Variants in CUL5 observed in about 807,000 individuals in gnomAD.
CUL5 encodes cullin 5, also known as cullin-5.
CUL5 carries 26 observed loss-of-function variants against 108.8 expected under a neutral mutation model. That is an observed-to-expected ratio of 0.24 (90% CI 0.18 to 0.33). The LOEUF (loss-of-function observed/expected upper bound fraction) is 0.33. Among genes scored for constraint, CUL5 ranks in the 10% least tolerant of loss-of-function variants. The pLI, the probability that CUL5 is intolerant of heterozygous loss-of-function variation, is 1.00. For missense variants in CUL5, 524 were observed against 909.2 expected, an observed-to-expected ratio of 0.58 and a Z score of 5.45; for synonymous variants, 334 against 298.0, an observed-to-expected ratio of 1.12 and a Z score of -1.25.
intron 2 of CUL5, among the ~76,000 whole-genome samples, chr11:108,034,965 C>T (rs1173415677): frequency 1.3e-5 from 2 of 152,072 alleles, no homozygotes; most frequent in Non-Finnish European, 2.9e-5. Flanking sequence ...GATCATTTAT[C>T]TAGTGGGTAG....
chr11:108,099,839 C>CT (rs1864605848), intron 18 of CUL5, among the ~76,000 whole-genome samples: 1 of 151,500 alleles, frequency 6.6e-6, no homozygotes, highest in Non-Finnish European at 1.5e-5. Flanking sequence ...TTATGTCTGA[C>CT]TTTTTTTGCT....
At chr11:108,092,329 A>C (rs1287722449) in intron 13 of CUL5, among the ~76,000 whole-genome samples, 1 of 152,204 alleles carries the variant, frequency 6.6e-6, no homozygotes, top group Non-Finnish European at 1.5e-5. Flanking sequence ...CGTAGAGCTG[A>C]CCCAGCAATT....
intron 2 of CUL5, among the ~76,000 whole-genome samples, chr11:108,036,496 TGAGACA>T (rs1199471222): frequency 6.6e-6 from 1 of 152,220 alleles, no homozygotes; most frequent in African/African-American, 2.4e-5. Flanking sequence ...TATTTATTAT[TGAGACA>T]GAGTCTTGCT....
rs1168497613 is a variant in CUL5 at position 108,054,714 on chromosome 11, G to A, written c.621G>A (p.Leu207=). 2 of 1,609,284 alleles carry A rather than the reference G, an allele frequency of 1.2e-6. No homozygotes were observed. Among genetic ancestry groups the A allele is most frequent in the Non-Finnish European group, 1.7e-6 (2 of 1,176,304 alleles). The change falls in exon 6 of 19, where the codon TTG becomes TTA. Residue 207 remains leucine (L), a synonymous_variant. Transcript: ENST00000393094. The part of the protein sequence containing the change: ...IYRDNFEKAY[L]DSTERFYRTQ... ...GGGACAATTTTGAGAAGGCATACTT[G>A]GATTCAACAGAGAGATTTTATAGAA...
chr11:108,091,634 A>G (rs1864361876), intron 13 of CUL5, among the ~76,000 whole-genome samples: 1 of 145,960 alleles, frequency 6.9e-6, no homozygotes, highest in Non-Finnish European at 1.5e-5. Context: ...GGTTGCATTG[A>G]ACAGAGATCT....
chr11:108,103,913 C>T (rs1485627889), intron 18 of CUL5, among the ~76,000 whole-genome samples: 1 of 152,114 alleles, frequency 6.6e-6, no homozygotes, highest in East Asian at 1.9e-4. Context: ...CACCCATCAA[C>T]CCGTCATCTA....
intron 2 of CUL5, among the ~76,000 whole-genome samples, chr11:108,036,796 T>A (rs1862757132): frequency 6.6e-6 from 1 of 152,208 alleles, no homozygotes; most frequent in Non-Finnish European, 1.5e-5. Flanking sequence ...TTCCTTATTT[T>A]AAATTTAATC....
rs71047671 is a variant in CUL5, at chr11:108,096,564, C to CTT, written c.1905+899_1905+900dup. Reference sequence around the variant, plus strand: ...TGTGAGGAATGTGACCAGCTATGTACTTTTTTTTTTTTTTTTTTTTTTTTT... The same window carrying CTT: ...TGTGAGGAATGTGACCAGCTATGTACTTTTTTTTTTTTTTTTTTTTTTTTTTT... On this transcript the variant is annotated intron_variant, in intron 16 of 18. Coordinates refer to ENST00000393094, the MANE Select transcript of CUL5 (RefSeq NM_003478.6). Among the ~76,000 whole-genome samples, 31 of 45,866 alleles carry CTT rather than the reference C, an allele frequency of 6.8e-4. 4 individuals are homozygous for CTT. The highest frequency in any genetic ancestry group is 2.3e-3 in the East Asian group (3 of 1,310). The allele number at this position is 45,866 out of a possible 152,430, so 30.1% of individuals were successfully genotyped here. A position where few individuals can be genotyped will look rare whatever the true frequency, so the allele number is the denominator to read the frequency against.
chr11:108,060,099 TTA>T (rs1863497483), intron 7 of CUL5, among the ~76,000 whole-genome samples: 1 of 152,086 alleles, frequency 6.6e-6, no homozygotes, highest in Non-Finnish European at 1.5e-5. Flanking sequence ...AGGTCACAAG[TTA>T]TAAATTATTA....
intron 17 of CUL5, 52 bp downstream of exon 17, chr11:108,097,806 C>T (rs1482612053): frequency 9.6e-7 from 1 of 1,041,952 alleles, no homozygotes. Flanking sequence ...AATTTTAGCA[C>T]TTTGTTTTTT....
intron 18 of CUL5, among the ~76,000 whole-genome samples, chr11:108,099,728 T>C (rs545201533): frequency 6.6e-6 from 1 of 152,258 alleles, no homozygotes; most frequent in South Asian, 2.1e-4. Flanking sequence ...TTCCCATGTT[T>C]CCAGGCAGGC....
intron 1 of CUL5, 91 bp downstream of exon 1, chr11:108,009,463 TG>T: frequency 7.0e-7 from 1 of 1,429,228 alleles, no homozygotes; most frequent in Non-Finnish European, 9.8e-7. Flanking sequence ...CTGCGAAGTG[TG>T]GGAGTGTTCA....
At chr11:108,091,000 A>G (rs1864340491) in intron 13 of CUL5, among the ~76,000 whole-genome samples, 1 of 152,128 alleles carries the variant, frequency 6.6e-6, no homozygotes, top group African/African-American at 2.4e-5. Flanking sequence ...TAGCAAAACT[A>G]ATACATATTT....
intron 16 of CUL5, among the ~76,000 whole-genome samples, chr11:108,096,337 A>G (rs1864493234): frequency 6.6e-6 from 1 of 150,816 alleles, no homozygotes; most frequent in Non-Finnish European, 1.5e-5. Context: ...CTAAAAAAAA[A>G]AAAAAAAAAC....
At chr11:108,047,340 G>GTCT (rs1863092669) in intron 3 of CUL5, among the ~76,000 whole-genome samples, 1 of 152,040 alleles carries the variant, frequency 6.6e-6, no homozygotes, top group African/African-American at 2.4e-5. Context: ...AAACAAAAAG[G>GTCT]TCTGGTCTGA....
chr11:108,075,381 T>G (rs1863918415), intron 10 of CUL5, among the ~76,000 whole-genome samples: 1 of 152,198 alleles, frequency 6.6e-6, no homozygotes, highest in Non-Finnish European at 1.5e-5. Context: ...GCCACTTGCA[T>G]AGGCAACACA....
intron 18 of CUL5, among the ~76,000 whole-genome samples, 178 bp downstream of exon 18, chr11:108,098,707 T>A (rs917401341): frequency 3.4e-4 from 51 of 151,868 alleles, no homozygotes; most frequent in Non-Finnish European, 5.7e-4. Context: ...CAAAGTGAGA[T>A]CTTGTCTCAA....
chr11:108,065,567 G>A (rs1395627240), intron 7 of CUL5, among the ~76,000 whole-genome samples: 1 of 152,120 alleles, frequency 6.6e-6, no homozygotes, highest in Non-Finnish European at 1.5e-5. Context: ...TTTGCTTTCT[G>A]CTGTGAAAGG....
Position 108,030,939 on chromosome 11 carries a change from G to A in CUL5, c.25-2863G>A, listed in dbSNP as rs76025473. Among the ~76,000 whole-genome samples the A allele has an allele frequency of 2.7e-3, 408 of 152,286 alleles. 2 individuals are homozygous for A. The highest frequency in any genetic ancestry group is 9.5e-3 in the African/African-American group (396 of 41,556). ...AATCACCACCTCAGATGATTTTCAC[G>A]TAGGTTGTTGTCAGATCATATGTTG... On this transcript the variant is annotated intron_variant, in intron 1 of 18. Transcript: ENST00000393094.
Sources: allele counts gnomAD v4.1 joint callset (sites outside exome capture counted in the v4.1 genomes callset), GRCh38; gene constraint gnomAD v4.1.1; transcripts MANE v1.5; gene names NCBI Gene and HGNC (gene_info 2026-07-23, HGNC 2026-07-21).